HAUS8: variants seen among roughly 807,000 people sequenced by gnomAD.
The protein encoded by HAUS8 is HAUS augmin-like complex subunit 8.
HAUS8 carries 38 observed loss-of-function variants against 42.9 expected under a neutral mutation model. The observed-to-expected ratio is 0.89, with a 90% CI of 0.68 to 1.16. The LOEUF (loss-of-function observed/expected upper bound fraction) is 1.16, where lower values mean the gene tolerates loss of function less well. Among genes scored for constraint, HAUS8 ranks in the 50% most tolerant of loss-of-function variants. HAUS8 has a pLI of 0.00. For synonymous variants in HAUS8, 199 were observed against 205.8 expected (o/e 0.97, Z 0.28); for missense variants, 494 against 511.6 (o/e 0.97, Z 0.33).
Position 17,059,585 on chromosome 19 carries a change from G to C in HAUS8, c.392C>G (p.Ser131Ter). The change falls in exon 6 of 11, where the codon TCA becomes TGA. Residue 131 changes from serine (S) to a stop codon, truncating the protein, a stop_gained. Coordinates refer to ENST00000253669, the MANE Select transcript of HAUS8 (RefSeq NM_033417.2). LOFTEE classifies it high-confidence loss of function. The stretch of plus-strand genomic sequence containing the variant: ...GCTCTTTTTCCGAGGGGCAGAAAAT[G>C]ATGTTGACTCAGGTTTCTTTGATAT... ...KTISKKPEST[S>*]FSAPRKKSPD... 1 of 1,613,862 alleles carries C rather than the reference G, an allele frequency of 6.2e-7. No homozygotes were observed. Among genetic ancestry groups the C allele is most frequent in the South Asian group, 1.1e-5 (1 of 91,026 alleles).
In HAUS8 at chr19:17,050,021, T is replaced by C. The variant is rs1426880949; in HGVS notation, c.1085A>G (p.Lys362Arg). The C allele has an allele frequency of 1.2e-6, 2 of 1,609,130 alleles. No individual in the cohort carries two copies. Among genetic ancestry groups the C allele is most frequent in the African/African-American group, 1.3e-5 (1 of 74,588 alleles). ...GTCGTCCTCAGACAGGGGCGTGTTC[T>C]TGGGTGCTCCCCCAGATTCTCTGCA... The part of the protein sequence containing the change: ...SACRESGGAP[K>R]NTPLSEDDNP... Residue 362 changes from lysine (K) to arginine (R), a missense_variant, in exon 11 of 11, where the codon AAG (lysine) becomes AGG (arginine). Physicochemically the swap from Lys to Arg is conservative, Grantham distance 26 (BLOSUM62 2). Transcript: ENST00000253669.
At chr19:17,066,975 C>T (rs1384738240) in intron 3 of HAUS8, among the ~76,000 whole-genome samples, 3 of 152,074 alleles carry the variant, frequency 2.0e-5, no homozygotes, top group Non-Finnish European at 4.4e-5. Context: ...GAGGCTGAGG[C>T]AGGTGGATCA....
At chr19:17,057,010 G>A (rs1246838946) in intron 8 of HAUS8, among the ~76,000 whole-genome samples, 1 of 152,196 alleles carries the variant, frequency 6.6e-6, no homozygotes, top group East Asian at 1.9e-4. Flanking sequence ...TTCCCAAGTA[G>A]CTGGGACTAT....
At chr19:17,073,409 G>A (rs972119587) in intron 1 of HAUS8, 74 bp from the exon 2 acceptor site, 5 of 1,357,302 alleles carry the variant, frequency 3.7e-6, no homozygotes, top group Non-Finnish European at 4.2e-6. Flanking sequence ...AGGTGCCTCT[G>A]CTAGTTGAAG....
intron 2 of HAUS8, among the ~76,000 whole-genome samples, chr19:17,072,530 C>G (rs1304362478): frequency 6.6e-6 from 1 of 151,906 alleles, no homozygotes; most frequent in South Asian, 2.1e-4. Context: ...TTTAGTAGAA[C>G]GAGGTTTCAC....
rs1228878922 is a variant in HAUS8, at chr19:17,059,605, T to C, written c.372A>G (p.Ser124=). Residue 124 remains serine, a synonymous_variant, in exon 6 of 11, where the codon TCA becomes TCG. Transcript: ENST00000253669. ...KKTPQLAKTI[S]KKPESTSFSA... ...AAAATGATGTTGACTCAGGTTTCTT[T>C]GATATTGTTTTTGCTAACTGTGGCG... The C allele has an allele frequency of 3.1e-6, 5 of 1,613,810 alleles. No homozygotes were observed. The highest frequency in any genetic ancestry group is 3.4e-6 in the Non-Finnish European group (4 of 1,179,878).
chr19:17,068,007 T>C (rs931895573), intron 3 of HAUS8, among the ~76,000 whole-genome samples: 1 of 152,156 alleles, frequency 6.6e-6, no homozygotes, highest in Admixed American at 6.5e-5. Context: ...GCCTACACAA[T>C]AGTTCACTAA....
chr19:17,066,002 T>G (rs2057385378), intron 3 of HAUS8, among the ~76,000 whole-genome samples: 1 of 150,552 alleles, frequency 6.6e-6, no homozygotes, highest in Non-Finnish European at 1.5e-5. Context: ...AGGATCTCAC[T>G]GTCACTCAAG....
chr19:17,066,080 C>A lies in HAUS8; in HGVS notation c.147+2951G>T, dbSNP rs117193992. On this transcript the variant is annotated intron_variant, in intron 3 of 10. Coordinates refer to ENST00000253669, the MANE Select transcript of HAUS8 (RefSeq NM_033417.2). ...AAATGATCTTCCTGCCTCAGCCTCCCGAGTAGCTGGGACTATAAGCACTCA... is the reference window on the plus strand; with the variant it reads ...AAATGATCTTCCTGCCTCAGCCTCCAGAGTAGCTGGGACTATAAGCACTCA... 9.9e-3 allele frequency among the ~76,000 whole-genome samples: 1,513 copies of A among 152,118 alleles called. 131 individuals carry two copies. The East Asian group carries it at 0.22, about 22-fold the overall frequency.
At chr19:17,075,215 G>A in intron 1 of HAUS8, 179 bp downstream of exon 1, 1 of 679,276 alleles carries the variant, frequency 1.5e-6, no homozygotes, top group Non-Finnish European at 2.5e-6. Context: ...CCGGTCGGGT[G>A]TCAGCGCTCC....
chr19:17,062,258 A>C (rs1291687055), intron 4 of HAUS8, among the ~76,000 whole-genome samples: 4 of 152,140 alleles, frequency 2.6e-5, no homozygotes, highest in African/African-American at 4.8e-5. Flanking sequence ...CCTCACCCCA[A>C]GTAGCTGGGA....
At chr19:17,075,031 C>T (rs1248314683) in intron 1 of HAUS8, 2 of 327,976 alleles carry the variant, frequency 6.1e-6, no homozygotes, top group Non-Finnish European at 1.2e-5. Context: ...CCAAGAGCGA[C>T]ATCACAGTAA....
intron 4 of HAUS8, 68 bp from the exon 5 acceptor site, chr19:17,060,160 C>T: frequency 8.8e-7 from 1 of 1,134,328 alleles, no homozygotes; most frequent in South Asian, 1.3e-5. Flanking sequence ...CCAGGAAACG[C>T]AGGCCGTGTT....
rs2057340440 is a variant in HAUS8 at position 17,058,639 on chromosome 19, C to G, written c.555G>C (p.Lys185Asn). ...EKNLLIMCKE[K>N]EKLQKKAHEL... ...CGTGGGCCTTTTTCTGTAGCTTCTC[C>G]TTCTCCTTACACATTATTAATAAAT... The change falls in exon 8 of 11, where the codon AAG becomes AAC. Residue 185 changes from lysine (K) to asparagine (N), a missense_variant. Physicochemically the swap from Lys to Asn is moderately conservative, Grantham distance 94. Coordinates refer to ENST00000253669, the MANE Select transcript of HAUS8 (RefSeq NM_033417.2). The G allele has an allele frequency of 6.2e-7, 1 of 1,613,692 alleles. No homozygotes were observed. The highest frequency in any genetic ancestry group is 1.3e-5 in the African/African-American group (1 of 74,892).
At chr19:17,072,411 C>T (rs913240077) in intron 2 of HAUS8, among the ~76,000 whole-genome samples, 1 of 137,764 alleles carries the variant, frequency 7.3e-6, no homozygotes, top group African/African-American at 2.8e-5. Flanking sequence ...GGCGCGATCT[C>T]GGCTCACAGC....
chr19:17,068,694 G>A (rs2057402524), intron 3 of HAUS8, among the ~76,000 whole-genome samples: 1 of 152,056 alleles, frequency 6.6e-6, no homozygotes, highest in South Asian at 2.1e-4. Context: ...TTGAGCCTGG[G>A]AGGCTGAGGC....
intron 4 of HAUS8, among the ~76,000 whole-genome samples, chr19:17,062,187 C>T (rs2057364909): frequency 6.6e-6 from 1 of 152,218 alleles, no homozygotes; most frequent in South Asian, 2.1e-4. Context: ...ATGGAGCAAT[C>T]TCGGCTCACT....
rs112248964 is a variant in HAUS8 at position 17,059,979 on chromosome 19, G to A, written c.325+18C>T. ...CAACCCCCAGTGAGTGACAGAAGGG[G>A]TGAAACAAATGATTTACCATTAATA... is the stretch of plus-strand genomic sequence containing the variant. On this transcript the variant is annotated intron_variant, in intron 5 of 10. Transcript: ENST00000253669. The A allele has an allele frequency of 7.0e-4, 1,102 of 1,577,206 alleles. 3 individuals carry two copies. In the African/African-American group the frequency reaches 0.012, roughly 18 times the overall value.
chr19:17,058,003 C>T (rs999741125), intron 8 of HAUS8, among the ~76,000 whole-genome samples: 1 of 152,254 alleles, frequency 6.6e-6, no homozygotes, highest in Non-Finnish European at 1.5e-5. Context: ...CCACCAACAC[C>T]TCAATCTCGG....
Sources: allele counts gnomAD v4.1 joint callset (sites outside exome capture counted in the v4.1 genomes callset), GRCh38; gene constraint gnomAD v4.1.1; transcripts MANE v1.5; gene names NCBI Gene and HGNC (gene_info 2026-07-23, HGNC 2026-07-21).